PKHD1: variants seen among roughly 807,000 people sequenced by gnomAD.
The protein encoded by PKHD1 is fibrocystin.
PKHD1 carries 291 observed loss-of-function variants against 412.0 expected under a neutral mutation model. That is an observed-to-expected ratio of 0.71 (90% CI 0.64 to 0.78). The LOEUF is 0.78. Ranked by LOEUF, PKHD1 falls within the 30% of genes least tolerant of loss-of-function variation. PKHD1 has a pLI of 0.00. For synonymous variants in PKHD1, 1,777 were observed against 1,821.5 expected (o/e 0.98, Z 0.62); for missense variants, 4,825 against 4,950.7 (o/e 0.97, Z 0.76).
intron 43 of PKHD1, among the ~76,000 whole-genome samples, chr6:51,894,522 G>A (rs374084306): frequency 8.5e-5 from 13 of 152,356 alleles, no homozygotes; most frequent in East Asian, 7.7e-4. Flanking sequence ...CAAGGTGACT[G>A]ACTGCAAGCC....
intron 52 of PKHD1, among the ~76,000 whole-genome samples, chr6:51,804,569 T>C (rs1763473625): frequency 6.7e-6 from 1 of 149,612 alleles, no homozygotes; most frequent in Non-Finnish European, 1.5e-5. Context: ...TAAAATTTTG[T>C]GGAGGAAATA....
intron 37 of PKHD1, among the ~76,000 whole-genome samples, chr6:51,921,679 A>T (rs1339013424): frequency 6.6e-6 from 1 of 152,068 alleles, no homozygotes; most frequent in East Asian, 1.9e-4. Flanking sequence ...CATTCGTTTC[A>T]TCTTCAATCA....
intron 52 of PKHD1, among the ~76,000 whole-genome samples, chr6:51,807,454 A>ATATAT (rs1452565645): frequency 2.0e-4 from 10 of 48,890 alleles, no homozygotes; most frequent in African/African-American, 6.7e-4. Flanking sequence ...AAAAAAAAAA[A>ATATAT]AAAAATATAT....
chr6:51,791,706 C>G (rs773746795), intron 52 of PKHD1, among the ~76,000 whole-genome samples: 16 of 152,256 alleles, frequency 1.1e-4, no homozygotes, highest in Admixed American at 2.6e-4. Context: ...ACTTTTGGCT[C>G]TAGTTTCAGG....
At chr6:51,781,682 A>C (rs1191658297) in intron 53 of PKHD1, among the ~76,000 whole-genome samples, 2 of 152,054 alleles carry the variant, frequency 1.3e-5, no homozygotes, top group African/African-American at 4.8e-5. Flanking sequence ...TTTTTAAAAA[A>C]TGTTGGCTCT....
At chr6:51,625,307 C>T (rs1767094098) in intron 66 of PKHD1, among the ~76,000 whole-genome samples, 1 of 151,868 alleles carries the variant, frequency 6.6e-6, no homozygotes. Context: ...AGTGCCATGG[C>T]AATAATAGAA....
Position 52,024,601 on chromosome 6 carries a change from T to C in PKHD1, c.5209A>G (p.Ile1737Val), listed in dbSNP as rs771081986. 1.2e-6 allele frequency: 2 copies of C among 1,614,158 alleles called. No individual in the cohort carries two copies. The highest frequency in any genetic ancestry group is 2.2e-5 in the South Asian group (2 of 91,070). Residue 1737 changes from isoleucine to valine, a missense_variant, in exon 32 of 67, where the codon ATT becomes GTT. Physicochemically the swap from Ile to Val is conservative, Grantham distance 29. Transcript: ENST00000371117. ...AAGTTCTCCGTCACTGCTGTAATAA[T>C]AACTCTTGAGGTGAACACCAGGGCA... ...SSALVFTSRV[I>V]ITAVTENFGC...
intron 14 of PKHD1, among the ~76,000 whole-genome samples, chr6:52,061,971 CA>C (rs1422299531): frequency 1.3e-5 from 2 of 152,162 alleles, no homozygotes; most frequent in Non-Finnish European, 2.9e-5. Context: ...AGGAATTACA[CA>C]CCATTAAACA....
At chr6:52,055,085 G>A (rs1807503065) in intron 19 of PKHD1, among the ~76,000 whole-genome samples, 1 of 152,186 alleles carries the variant, frequency 6.6e-6, no homozygotes, top group Non-Finnish European at 1.5e-5. Flanking sequence ...CATCAATAAT[G>A]ACAACAACTA....
chr6:51,810,016 C>T (rs1333254836), intron 52 of PKHD1, among the ~76,000 whole-genome samples: 3 of 151,878 alleles, frequency 2.0e-5, no homozygotes, highest in African/African-American at 4.8e-5. Flanking sequence ...GTTTTATTCT[C>T]GACACTAACA....
intron 35 of PKHD1, among the ~76,000 whole-genome samples, chr6:51,979,857 A>G (rs1051473719): frequency 6.6e-6 from 1 of 152,158 alleles, no homozygotes; most frequent in African/African-American, 2.4e-5. Flanking sequence ...TCTCCTGAGC[A>G]GTCCAGTTGT....
intron 43 of PKHD1, among the ~76,000 whole-genome samples, 178 bp downstream of exon 43, chr6:51,903,419 T>A (rs896803235): frequency 6.6e-6 from 1 of 152,162 alleles, no homozygotes; most frequent in African/African-American, 2.4e-5. Flanking sequence ...TTTTACAATT[T>A]TTTTTCAGCT....
rs938033907 is a variant in PKHD1, at chr6:51,750,996, C to T, written c.8950+2205G>A. 1.1e-4 allele frequency among the ~76,000 whole-genome samples: 17 copies of T among 152,178 alleles called. No homozygotes were observed. In the East Asian group the frequency reaches 2.3e-3, roughly 21 times the overall value. On this transcript the variant is annotated intron_variant, in intron 57 of 66. Transcript: ENST00000371117. ...TTCACCATGTTGGCCAAGCTGGTATCGAACTCCTGACCTCAAGTGACCTGC... is the reference window on the plus strand; with the variant it reads ...TTCACCATGTTGGCCAAGCTGGTATTGAACTCCTGACCTCAAGTGACCTGC...
chr6:51,899,074 T>C (rs192352786), intron 43 of PKHD1, among the ~76,000 whole-genome samples: 1 of 152,194 alleles, frequency 6.6e-6, no homozygotes, highest in South Asian at 2.1e-4. Context: ...CACAGCCGAA[T>C]TCTACCAGAG....
At chr6:51,811,285 A>T (rs1208128766) in intron 52 of PKHD1, among the ~76,000 whole-genome samples, 1 of 152,192 alleles carries the variant, frequency 6.6e-6, no homozygotes, top group Non-Finnish European at 1.5e-5. Flanking sequence ...TCCCACTTGA[A>T]CAATGAGGCA....
intron 7 of PKHD1, 122 bp from the exon 8 acceptor site, chr6:52,072,311 A>C: frequency 1.4e-6 from 1 of 727,952 alleles, no homozygotes; most frequent in Non-Finnish European, 2.4e-6. Context: ...ATTTTTCTGC[A>C]CTATTGCAGG....
At chr6:51,959,057 T>A (rs1791597221) in intron 36 of PKHD1, among the ~76,000 whole-genome samples, 1 of 152,158 alleles carries the variant, frequency 6.6e-6, no homozygotes. Context: ...TAAAATATTT[T>A]ATTTTTCCCC....
At position 51,746,673 on chromosome 6, in the gene PKHD1, G is replaced by A. The variant is rs780557574; in HGVS notation, c.9998+48C>T. ...AAACATGTTTAGGGTTTGAAGAATT[G>A]CCAAGTACTTCATAAATATGGCTTA... is the stretch of plus-strand genomic sequence containing the variant. On this transcript the variant is annotated intron_variant, in intron 59 of 66. Coordinates refer to ENST00000371117, the MANE Select transcript of PKHD1 (RefSeq NM_138694.4). 57 of 1,186,864 alleles carry A rather than the reference G, an allele frequency of 4.8e-5. No homozygotes were observed. The African/African-American group carries it at 7.2e-4, about 15-fold the overall frequency. 73.5% of individuals were successfully genotyped at this position (1,186,864 alleles called of 1,614,324 possible). A position where few individuals can be genotyped will look rare whatever the true frequency, so the allele number is the denominator to read the frequency against.
chr6:51,639,338 C>A (rs1236968082), intron 63 of PKHD1, among the ~76,000 whole-genome samples: 2 of 151,882 alleles, frequency 1.3e-5, no homozygotes, highest in African/African-American at 4.8e-5. Context: ...CATTCTTAAC[C>A]ACTACAATAT....
Sources: gnomAD v4.1 joint callset for allele counts (sites outside exome capture counted in the v4.1 genomes callset) on GRCh38, gnomAD v4.1.1 for gene constraint, MANE v1.5 for transcripts, NCBI Gene and HGNC (gene_info 2026-07-23, HGNC 2026-07-21) for gene names.